The following CD200R1 variants were observed in gnomAD, a reference collection of about 807,000 sequenced individuals.
CD200R1 encodes CD200 receptor 1.
CD200R1 carries 30 observed loss-of-function variants against 38.1 expected under a neutral mutation model. That is an observed-to-expected ratio of 0.79 (90% CI 0.59 to 1.07). The LOEUF (loss-of-function observed/expected upper bound fraction) is 1.07. Among genes scored for constraint, CD200R1 ranks in the 50% least tolerant of loss-of-function variants. The pLI, the probability that CD200R1 is intolerant of heterozygous loss-of-function variation, is 0.00. For missense variants in CD200R1, 372 were observed against 415.4 expected (o/e 0.90, Z 0.91); for synonymous variants, 128 against 152.1 (o/e 0.84, Z 1.16).
At chr3:112,933,937 A>C (rs1404449876) in intron 2 of CD200R1, among the ~76,000 whole-genome samples, 1 of 152,080 alleles carries the variant, frequency 6.6e-6, no homozygotes, top group Non-Finnish European at 1.5e-5. Context: ...GATTTTAAAA[A>C]CAAAAAGAAA....
chr3:112,955,618 C>T (rs1941080039), intron 1 of CD200R1, among the ~76,000 whole-genome samples: 1 of 151,540 alleles, frequency 6.6e-6, no homozygotes, highest in African/African-American at 2.4e-5. Flanking sequence ...AAGTGATCCT[C>T]CTGCCTCAGC....
chr3:112,933,107 G>A (rs958050823), intron 2 of CD200R1, among the ~76,000 whole-genome samples: 2 of 152,102 alleles, frequency 1.3e-5, no homozygotes, highest in African/African-American at 4.8e-5. Context: ...GAGCAGGTGG[G>A]GACCTGTACC....
chr3:112,930,760 C>T (rs1354420243), intron 3 of CD200R1, among the ~76,000 whole-genome samples: 1 of 152,204 alleles, frequency 6.6e-6, no homozygotes, highest in Non-Finnish European at 1.5e-5. Flanking sequence ...TGTCACCTGT[C>T]TCTTACATGG....
In CD200R1 at chr3:112,922,172, G is replaced by A. The variant is rs1940182745; in HGVS notation, c.*1505C>T. 6.6e-6 allele frequency: 1 copy of A among 151,868 alleles called. No individual in the cohort carries two copies. Among genetic ancestry groups the A allele is most frequent in the South Asian group, 2.1e-4 (1 of 4,806 alleles). 9.4% of individuals were successfully genotyped at this position (151,868 alleles called of 1,614,324 possible). A position where few individuals can be genotyped will look rare whatever the true frequency, so the allele number is the denominator to read the frequency against. Reference sequence around the variant, plus strand: ...TCCATAGTAACTGAAATGTCTAGAGGGAGAAAAATATACTTATAAGACAAA... The same window carrying A: ...TCCATAGTAACTGAAATGTCTAGAGAGAGAAAAATATACTTATAAGACAAA... On this transcript the variant is annotated 3_prime_UTR_variant, in exon 8 of 8. Coordinates refer to ENST00000308611, the MANE Select transcript of CD200R1 (RefSeq NM_138806.4).
intron 2 of CD200R1, among the ~76,000 whole-genome samples, chr3:112,940,470 A>C (rs1180793384): frequency 6.6e-6 from 1 of 151,894 alleles, no homozygotes; most frequent in Non-Finnish European, 1.5e-5. Context: ...CCACAATAAC[A>C]GAAAAACTAA....
intron 1 of CD200R1, among the ~76,000 whole-genome samples, chr3:112,965,871 TC>T (rs2107344999): frequency 6.6e-6 from 1 of 152,242 alleles, no homozygotes; most frequent in South Asian, 2.1e-4. Flanking sequence ...TCAGGCAGGA[TC>T]CCAGAGGTAC....
chr3:112,927,670 A>G (rs1940310865), intron 5 of CD200R1, among the ~76,000 whole-genome samples: 1 of 152,232 alleles, frequency 6.6e-6, no homozygotes, highest in Non-Finnish European at 1.5e-5. Context: ...ATAGCTGTAC[A>G]GCAGATCTAG....
At chr3:112,950,791 GA>G (rs1940956929) in intron 1 of CD200R1, among the ~76,000 whole-genome samples, 1 of 152,032 alleles carries the variant, frequency 6.6e-6, no homozygotes, top group African/African-American at 2.4e-5. Context: ...CAAATATTTA[GA>G]AATCAAACAC....
Position 112,929,067 on chromosome 3 carries a change from G to A in CD200R1, c.521-3C>T, listed in dbSNP as rs2107303536. On this transcript the variant is annotated splice_region_variant and splice_polypyrimidine_tract_variant and intron_variant, in intron 4 of 7. Transcript: ENST00000308611. The stretch of plus-strand genomic sequence containing the variant: ...AAACAGGGTCACTTCAGGTGTAACT[G>A]CAGAGAGGAAAGAGGGAAAAAAATG... 1 of 1,613,554 alleles carries A rather than the reference G, an allele frequency of 6.2e-7. No homozygotes were observed. The highest frequency in any genetic ancestry group is 2.2e-5 in the East Asian group (1 of 44,870).
At chr3:112,928,748 C>G in intron 5 of CD200R1, 68 bp downstream of exon 5, 2 of 1,213,564 alleles carry the variant, frequency 1.6e-6, no homozygotes, top group Non-Finnish European at 2.3e-6. Flanking sequence ...ATTTGCACAT[C>G]TTTTTTTTTC....
At chr3:112,945,319 T>C (rs747777300) in intron 2 of CD200R1, among the ~76,000 whole-genome samples, 1 of 152,162 alleles carries the variant, frequency 6.6e-6, no homozygotes, top group Non-Finnish European at 1.5e-5. Flanking sequence ...ACTTCAAGAT[T>C]TACTATAAAG....
At chr3:112,944,802 T>TA (rs1940808910) in intron 2 of CD200R1, among the ~76,000 whole-genome samples, 2 of 152,112 alleles carry the variant, frequency 1.3e-5, no homozygotes, top group Admixed American at 1.3e-4. Context: ...GGTTGCAAAA[T>TA]ACAAGGTTAA....
At chr3:112,934,737 G>A (rs1253250094) in intron 2 of CD200R1, among the ~76,000 whole-genome samples, 4 of 152,112 alleles carry the variant, frequency 2.6e-5, no homozygotes, top group Non-Finnish European at 5.9e-5. Flanking sequence ...GGCTGAGGCA[G>A]GAGAATTGCT....
At chr3:112,935,780 A>G (rs1052314515) in intron 2 of CD200R1, among the ~76,000 whole-genome samples, 2 of 152,094 alleles carry the variant, frequency 1.3e-5, no homozygotes, top group African/African-American at 4.8e-5. Flanking sequence ...AACAACAAAA[A>G]AGTTTTGTTT....
rs374501747 is a variant in CD200R1, at chr3:112,948,234, T to C, written c.68-310A>G. ...TCTCTGAGTGTGGAAGAAATTATTT[T>C]ACTAGGCTTTTCAAGCACCAATGAG... is the stretch of plus-strand genomic sequence containing the variant. On this transcript the variant is annotated intron_variant, in intron 1 of 7. Coordinates refer to ENST00000308611, the MANE Select transcript of CD200R1 (RefSeq NM_138806.4). 1.1e-3 allele frequency among the ~76,000 whole-genome samples: 174 copies of C among 152,284 alleles called. 4 individuals carry two copies. The South Asian group carries it at 0.033, about 29-fold the overall frequency.
intron 1 of CD200R1, among the ~76,000 whole-genome samples, chr3:112,965,823 G>A (rs1933146663): frequency 6.6e-6 from 1 of 152,032 alleles, no homozygotes; most frequent in African/African-American, 2.4e-5. Flanking sequence ...ACAGAAAGAG[G>A]GAGAGCCAGA....
chr3:112,923,830 C>A (rs1417809521), intron 7 of CD200R1, 31 bp from the exon 8 acceptor site: 3 of 1,366,072 alleles, frequency 2.2e-6, no homozygotes, highest in South Asian at 2.6e-5. Context: ...AAAATCAATT[C>A]AAAAAATCAT....
intron 2 of CD200R1, among the ~76,000 whole-genome samples, chr3:112,941,165 G>A (rs1406513024): frequency 2.0e-5 from 3 of 151,684 alleles, no homozygotes; most frequent in Non-Finnish European, 3.0e-5. Context: ...TAAGGGAAAG[G>A]GGGGAATAGA....
At chr3:112,954,009 T>C (rs879303741) in intron 1 of CD200R1, among the ~76,000 whole-genome samples, 2 of 152,160 alleles carry the variant, frequency 1.3e-5, no homozygotes, top group Non-Finnish European at 2.9e-5. Flanking sequence ...AACTTAAGGG[T>C]CAACATTCGG....
Sources: gnomAD v4.1 joint callset for allele counts (sites outside exome capture counted in the v4.1 genomes callset) on GRCh38, gnomAD v4.1.1 for gene constraint, MANE v1.5 for transcripts, NCBI Gene and HGNC (gene_info 2026-07-23, HGNC 2026-07-21) for gene names.